COL28A1: variants seen among roughly 807,000 people sequenced by gnomAD.
COL28A1 encodes collagen type XXVIII alpha 1 chain.
In COL28A1, 161 loss-of-function variants were observed where a neutral mutation model predicts 150.2. That is an observed-to-expected ratio of 1.07 (90% CI 0.94 to 1.22). The LOEUF is 1.22. COL28A1 is among the 50% of genes most tolerant of loss of function. The pLI is 0.00. For synonymous variants in COL28A1, 552 were observed against 469.7 expected (o/e 1.18, Z -2.26); for missense variants, 1,617 against 1,388.3 (o/e 1.16, Z -2.62).
rs78194352 is a variant in COL28A1 at position 7,457,423 on chromosome 7, G to A, written c.1303-1311C>T. On this transcript the variant is annotated intron_variant, in intron 15 of 34. Transcript: ENST00000399429. ...GCAGAATAGAGTTGTCATTGACTGA[G>A]AAGAAAAAGCCTGAGAGAAAAGCAA... Among the ~76,000 whole-genome samples, 27 of 152,254 alleles carry A rather than the reference G, an allele frequency of 1.8e-4. No individual in the cohort carries two copies. In the East Asian group the frequency reaches 4.8e-3, roughly 27 times the overall value.
intron 27 of COL28A1, among the ~76,000 whole-genome samples, chr7:7,406,863 CT>C (rs1039886495): frequency 7.3e-5 from 11 of 151,110 alleles, no homozygotes; most frequent in African/African-American, 1.9e-4. Context: ...GGTTTTCTTT[CT>C]TTTTTTTTAA....
Position 7,472,306 on chromosome 7 carries a change from A to G in COL28A1, c.1302+2295T>C, listed in dbSNP as rs1003863286. Among the ~76,000 whole-genome samples, 6 of 152,310 alleles carry G rather than the reference A, an allele frequency of 3.9e-5. No individual in the cohort carries two copies. The East Asian group carries it at 1.2e-3, about 29-fold the overall frequency. ...CTCCAGAAAGCTCCTAGAATTGATA[A>G]AAGAATTCAACAAAGTTTCCAGATA... On this transcript the variant is annotated intron_variant, in intron 15 of 34. Transcript: ENST00000399429.
chr7:7,511,228 A>G, intron 8 of COL28A1, 93 bp from the exon 9 acceptor site: 1 of 990,138 alleles, frequency 1.0e-6, no homozygotes, highest in Non-Finnish European at 1.6e-6. Context: ...TTCCCAGCAG[A>G]CTCTTGTAAC....
intron 23 of COL28A1, among the ~76,000 whole-genome samples, chr7:7,433,931 A>G (rs903826763): frequency 5.3e-5 from 8 of 152,206 alleles, no homozygotes; most frequent in Non-Finnish European, 1.0e-4. Context: ...CTCATATGCA[A>G]ACAAACTCGG....
At chr7:7,382,976 TTGTTCA>T (rs1781950448) in intron 27 of COL28A1, among the ~76,000 whole-genome samples, 1 of 152,176 alleles carries the variant, frequency 6.6e-6, no homozygotes, top group Non-Finnish European at 1.5e-5. Flanking sequence ...CTCCTTTACC[TTGTTCA>T]TTGGCTGTCA....
At chr7:7,450,246 AC>A (rs1398655883) in intron 18 of COL28A1, among the ~76,000 whole-genome samples, 1 of 152,132 alleles carries the variant, frequency 6.6e-6, no homozygotes, top group African/African-American at 2.4e-5. Context: ...CCCTACATTG[AC>A]CCATACACAA....
chr7:7,354,128 G>A (rs1780295349), downstream of COL28A1, among the ~76,000 whole-genome samples: 1 of 152,002 alleles, frequency 6.6e-6, no homozygotes, highest in Non-Finnish European at 1.5e-5. Flanking sequence ...AAGTAGCTGG[G>A]ACTACAGGCA....
At chr7:7,451,951 A>G (rs1406621192) in intron 18 of COL28A1, among the ~76,000 whole-genome samples, 1 of 152,208 alleles carries the variant, frequency 6.6e-6, no homozygotes, top group African/African-American at 2.4e-5. Context: ...TCTAGATCCT[A>G]TATAACTTCA....
chr7:7,352,600 C>A (rs1294620), downstream of COL28A1, among the ~76,000 whole-genome samples: 133,503 of 152,162 alleles, frequency 0.88, 58,731 homozygotes, highest in East Asian at 1. Context: ...AGGAACTATG[C>A]GCCAAGGAAT....
chr7:7,532,361 T>G (rs1313837020), intron 2 of COL28A1, among the ~76,000 whole-genome samples: 1 of 151,992 alleles, frequency 6.6e-6, no homozygotes. Context: ...CAAGAGTAAG[T>G]GGAGAAGAAA....
At chr7:7,383,533 C>A (rs145032553) in intron 27 of COL28A1, among the ~76,000 whole-genome samples, 2,657 of 151,878 alleles carry the variant, frequency 0.017, 93 homozygotes, top group African/African-American at 0.061. Flanking sequence ...CCTGCCTCGG[C>A]CTCCTAAAGT....
chr7:7,505,650 G>C (rs1331937167), intron 11 of COL28A1, among the ~76,000 whole-genome samples: 4 of 152,128 alleles, frequency 2.6e-5, no homozygotes, highest in Non-Finnish European at 4.4e-5. Context: ...GTATATTGAG[G>C]TGGCATTACA....
chr7:7,444,635 C>G (rs1051844881), intron 18 of COL28A1, 146 bp from the exon 19 acceptor site: 7 of 739,684 alleles, frequency 9.5e-6, no homozygotes, highest in African/African-American at 1.8e-5. Context: ...TCTTGGGAAG[C>G]TACTTAACAT....
At chr7:7,503,402 T>C (rs907352535) in intron 11 of COL28A1, among the ~76,000 whole-genome samples, 3 of 152,234 alleles carry the variant, frequency 2.0e-5, no homozygotes, top group Non-Finnish European at 4.4e-5. Flanking sequence ...TTAGGTACTG[T>C]ACAAGTTTCA....
chr7:7,498,410 G>A (rs758688534), intron 11 of COL28A1, among the ~76,000 whole-genome samples: 2 of 152,144 alleles, frequency 1.3e-5, no homozygotes, highest in Non-Finnish European at 2.9e-5. Context: ...GCAGATGGGT[G>A]TATATGACAG....
intron 30 of COL28A1, 79 bp downstream of exon 30, chr7:7,380,581 A>G (rs1432494458): frequency 4.7e-6 from 6 of 1,281,784 alleles, no homozygotes; most frequent in Middle Eastern, 1.9e-4. Flanking sequence ...CAAAAAATTC[A>G]TAATTCTAAA....
chr7:7,542,616 G>T, the COL28A1 span, among the ~76,000 whole-genome samples: 2 of 152,322 alleles, frequency 1.3e-5, no homozygotes, highest in Non-Finnish European at 2.9e-5. Flanking sequence ...AAGTGCAGGA[G>T]CAGAGGATAA....
rs765603026 is a variant in COL28A1 at position 7,532,790 on chromosome 7, G to A, written c.86C>T (p.Pro29Leu). ...QTVSGQRKKG[P>L]KSNLLARKSD... ...TTTCCTTGCAAGCAAATTTGATTTT[G>A]GTCCTTTCTTTCTTTGTCCGGATAC... is the stretch of plus-strand genomic sequence containing the variant. Residue 29 changes from proline to leucine, a missense_variant, in exon 2 of 35, where the codon CCA becomes CTA. Transcript: ENST00000399429. The A allele has an allele frequency of 2.4e-5, 39 of 1,609,084 alleles. 1 individual carries two copies. The South Asian group carries it at 2.8e-4, about 11-fold the overall frequency.
chr7:7,528,640 C>T (rs1583578177), intron 3 of COL28A1, among the ~76,000 whole-genome samples: 1 of 152,060 alleles, frequency 6.6e-6, no homozygotes, highest in East Asian at 1.9e-4. Context: ...AAGCCTGACA[C>T]AAAAATAATA....
Sources: gnomAD v4.1 joint callset for allele counts (sites outside exome capture counted in the v4.1 genomes callset) on GRCh38, gnomAD v4.1.1 for gene constraint, MANE v1.5 for transcripts, NCBI Gene and HGNC (gene_info 2026-07-23, HGNC 2026-07-21) for gene names.